The following GSX2 variants were observed in gnomAD, a reference collection of about 807,000 sequenced individuals.
GSX2 encodes the protein GS homeobox 2.
A neutral mutation model predicts 19.2 loss-of-function variants in GSX2; 16 were observed. The observed-to-expected ratio is 0.84, with a 90% confidence interval of 0.57 to 1.27. GSX2 has a LOEUF of 1.27. GSX2 is among the 50% of genes most tolerant of loss of function. The pLI, the probability that GSX2 is intolerant of heterozygous loss-of-function variation, is 0.00. For missense variants in GSX2, 448 were observed against 428.4 expected, an observed-to-expected ratio of 1.05 and a Z score of -0.40; for synonymous variants, 217 against 196.4, an observed-to-expected ratio of 1.10 and a Z score of -0.88.
Position 54,101,028 on chromosome 4 carries a change from G to T in GSX2, c.574+110G>T. 1.0e-6 allele frequency: 1 copy of T among 954,946 alleles called. No individual in the cohort carries two copies. The highest frequency in any genetic ancestry group is 1.5e-6 in the Non-Finnish European group (1 of 674,914). 59.2% of individuals were successfully genotyped at this position (954,946 alleles called of 1,614,324 possible). On this transcript the variant is annotated intron_variant, in intron 1 of 1. Coordinates refer to ENST00000326902, the MANE Select transcript of GSX2 (RefSeq NM_133267.3). The surrounding 1 kb of genome is among the most constrained non-coding windows in gnomAD (Gnocchi z 5.0). The stretch of plus-strand genomic sequence containing the variant: ...GCCCGGGGACAGGGTGAAGAGAGAG[G>T]ACGGGCTTTTAGTGTAACCGTAGAG...
rs571584770 is a variant in GSX2 at position 54,101,562 on chromosome 4, C to T, written c.575-20C>T. The T allele has an allele frequency of 6.3e-7, 1 of 1,575,898 alleles. No individual in the cohort carries two copies. Among genetic ancestry groups the T allele is most frequent in the South Asian group, 1.2e-5 (1 of 86,818 alleles). On this transcript the variant is annotated intron_variant, in intron 1 of 1. Transcript: ENST00000326902. The surrounding 1 kb of genome is among the most constrained non-coding windows in gnomAD (Gnocchi z 5.0). ...CTTGCCCGAGCCTTACCTCTCTACC[C>T]TCTCTTCGCCGGTCCGCAGGAGGCT...
At position 54,101,012 on chromosome 4, in the gene GSX2, C is replaced by G. The variant is rs1419601665; in HGVS notation, c.574+94C>G. On this transcript the variant is annotated intron_variant, in intron 1 of 1. Coordinates refer to ENST00000326902, the MANE Select transcript of GSX2 (RefSeq NM_133267.3). This position sits in a 1 kb window ranked among gnomAD's most constrained non-coding sequence, Gnocchi z 5.0. ...AGTGGAGGAAGTGGGAGCCCGGGGA[C>G]AGGGTGAAGAGAGAGGACGGGCTTT... 8.1e-6 allele frequency: 9 copies of G among 1,107,054 alleles called. No homozygotes were observed. The African/African-American group carries it at 9.9e-5, about 12-fold the overall frequency. The allele number at this position is 1,107,054 out of a possible 1,614,324, so 68.6% of individuals were successfully genotyped here. A position where few individuals can be genotyped will look rare whatever the true frequency, so the allele number is the denominator to read the frequency against.
Position 54,102,332 on chromosome 4 carries a change from C to A in GSX2, c.*410C>A. 1 of 157,666 alleles carries A rather than the reference C, an allele frequency of 6.3e-6. No homozygotes were observed. The highest frequency in any genetic ancestry group is 1.9e-4 in the East Asian group (1 of 5,404). The allele number at this position is 157,666 out of a possible 1,614,324, so 9.8% of individuals were successfully genotyped here. ...CTGTTGTCGTTTTCAAACAAAAACA[C>A]CCAAGTTGAAAATAATTTAGAAAAT... On this transcript the variant is annotated 3_prime_UTR_variant, in exon 2 of 2. Coordinates refer to ENST00000326902, the MANE Select transcript of GSX2 (RefSeq NM_133267.3).
rs762995560 is a variant in GSX2 at position 54,100,877 on chromosome 4, A to G, written c.533A>G (p.Tyr178Cys). Residue 178 changes from tyrosine (Y) to cysteine (C), a missense_variant, in exon 1 of 2, where the codon TAC becomes TGC. Physicochemically the swap from Tyr to Cys is radical, Grantham distance 194. Transcript: ENST00000326902. ...HHAPVCTATT[Y>C]NVADPRRFHC... ...GCACCTGTCTGCACCGCCACCACCT[A>G]CAACGTGGCGGACCCGCGGAGATTC... The G allele has an allele frequency of 5.7e-6, 9 of 1,573,288 alleles. No homozygotes were observed. Among genetic ancestry groups the G allele is most frequent in the Non-Finnish European group, 6.0e-6 (7 of 1,166,950 alleles).
chr4:54,100,268 C>G lies in GSX2; in HGVS notation c.-77C>G. The G allele has an allele frequency of 6.4e-7, 1 of 1,573,770 alleles. No individual in the cohort carries two copies. The highest frequency in any genetic ancestry group is 8.6e-7 in the Non-Finnish European group (1 of 1,165,348). On this transcript the variant is annotated 5_prime_UTR_variant, in exon 1 of 2. Coordinates refer to ENST00000326902, the MANE Select transcript of GSX2 (RefSeq NM_133267.3). ...TGACTGCCCGTGTCTGCGCGGCTCCCAGGGCAGAGCTTAGAACACTAGAGG... is the reference window on the plus strand; with the variant it reads ...TGACTGCCCGTGTCTGCGCGGCTCCGAGGGCAGAGCTTAGAACACTAGAGG...
Position 54,100,215 on chromosome 4 carries a change from C to T in GSX2, c.-130C>T. The T allele has an allele frequency of 7.2e-7, 1 of 1,386,302 alleles. No individual in the cohort carries two copies. 85.9% of individuals were successfully genotyped at this position (1,386,302 alleles called of 1,614,324 possible). On this transcript the variant is annotated 5_prime_UTR_variant, in exon 1 of 2. It adds an upstream start codon to the 5' untranslated region. Coordinates refer to ENST00000326902, the MANE Select transcript of GSX2 (RefSeq NM_133267.3). ...GGGACCCCTTTGTTCCCAGCCCAGA[C>T]GCCAACACCTCTGCGTCCCCAAGGG...
chr4:54,101,536 C>G lies in GSX2; in HGVS notation c.575-46C>G, dbSNP rs771570989. 5 of 1,386,124 alleles carry G rather than the reference C, an allele frequency of 3.6e-6. 1 individual carries two copies. The highest frequency in any genetic ancestry group is 5.0e-6 in the Non-Finnish European group (5 of 990,618). The allele number at this position is 1,386,124 out of a possible 1,614,324, so 85.9% of individuals were successfully genotyped here. ...CTGGTTAGCACATGGGGTGGGAGCA[C>G]CTTGCCCGAGCCTTACCTCTCTACC... On this transcript the variant is annotated intron_variant, in intron 1 of 1. Coordinates refer to ENST00000326902, the MANE Select transcript of GSX2 (RefSeq NM_133267.3). The surrounding 1 kb of genome is among the most constrained non-coding windows in gnomAD (Gnocchi z 5.0).
At position 54,101,630 on chromosome 4, in the gene GSX2, C is replaced by T. The variant is rs1190722333; in HGVS notation, c.623C>T (p.Ala208Val). The T allele has an allele frequency of 6.2e-7, 1 of 1,613,900 alleles. No individual in the cohort carries two copies. Among genetic ancestry groups the T allele is most frequent in the Admixed American group, 1.7e-5 (1 of 59,998 alleles). Residue 208 changes from alanine to valine, a missense_variant, in exon 2 of 2, where the codon GCG becomes GTG. Ala to Val is a moderately conservative substitution (Grantham distance 64). Transcript: ENST00000326902. The surrounding 1 kb of genome is among the most constrained non-coding windows in gnomAD (Gnocchi z 5.0). ...CCCAATGGCAAGAGGATGAGGACGG[C>T]GTTCACTAGCACGCAACTCCTGGAG... is the stretch of plus-strand genomic sequence containing the variant. ...QVPNGKRMRT[A>V]FTSTQLLELE...
Position 54,101,032 on chromosome 4 carries a change from G to A in GSX2, c.574+114G>A. ...GGGGACAGGGTGAAGAGAGAGGACG[G>A]GCTTTTAGTGTAACCGTAGAGTCAG... On this transcript the variant is annotated intron_variant, in intron 1 of 1. Coordinates refer to ENST00000326902, the MANE Select transcript of GSX2 (RefSeq NM_133267.3). The surrounding 1 kb of genome is among the most constrained non-coding windows in gnomAD (Gnocchi z 5.0). 1 of 899,796 alleles carries A rather than the reference G, an allele frequency of 1.1e-6. No homozygotes were observed. The highest frequency in any genetic ancestry group is 1.6e-6 in the Non-Finnish European group (1 of 628,056). 55.7% of individuals were successfully genotyped at this position (899,796 alleles called of 1,614,324 possible).
chr4:54,101,979 G>C lies in GSX2; in HGVS notation c.*57G>C. ...CTGGCAGACCAGGCAACGCCAAGGC[G>C]TGGGGCACCCAGGGGCCAGAATCCT... On this transcript the variant is annotated 3_prime_UTR_variant, in exon 2 of 2. Transcript: ENST00000326902. The surrounding 1 kb of genome is among the most constrained non-coding windows in gnomAD (Gnocchi z 5.0). 1 of 1,405,424 alleles carries C rather than the reference G, an allele frequency of 7.1e-7. No homozygotes were observed. Among genetic ancestry groups the C allele is most frequent in the Non-Finnish European group, 9.6e-7 (1 of 1,043,614 alleles). The allele number at this position is 1,405,424 out of a possible 1,614,324, so 87.1% of individuals were successfully genotyped here.
rs1051077797 is a variant in GSX2, at chr4:54,100,794, G to GGCA, written c.462_464dup (p.Ala162dup). On this transcript the variant is annotated inframe_insertion, in exon 1 of 2. Transcript: ENST00000326902. ...AGCAGCCTGGCTCGGCCGCGGCGGCGGCAGCAGCAGCAGCGGCGGCGGCGG... is the reference window on the plus strand; with the variant it reads ...AGCAGCCTGGCTCGGCCGCGGCGGCGGCAGCAGCAGCAGCAGCGGCGGCGGCGG... 13 of 1,461,636 alleles carry GGCA rather than the reference G, an allele frequency of 8.9e-6. No individual in the cohort carries two copies. Among genetic ancestry groups the GGCA allele is most frequent in the African/African-American group, 1.5e-5 (1 of 66,550 alleles). The allele number at this position is 1,461,636 out of a possible 1,614,324, so 90.5% of individuals were successfully genotyped here. A position where few individuals can be genotyped will look rare whatever the true frequency, so the allele number is the denominator to read the frequency against.
chr4:54,100,867 G>A lies in GSX2; in HGVS notation c.523G>A (p.Ala175Thr). The change falls in exon 1 of 2, where the codon GCC becomes ACC. Residue 175 changes from alanine to threonine, a missense_variant. By Grantham distance (58) the Ala-to-Thr change is moderately conservative. Transcript: ENST00000326902. ...HPQHHAPVCT[A>T]TTYNVADPRR... is the part of the protein sequence containing the mutation. ...GCAGCACCACGCACCTGTCTGCACC[G>A]CCACCACCTACAACGTGGCGGACCC... 3 of 1,568,254 alleles carry A rather than the reference G, an allele frequency of 1.9e-6. No homozygotes were observed. The highest frequency in any genetic ancestry group is 2.4e-5 in the East Asian group (1 of 41,748).
Position 54,101,719 on chromosome 4 carries a change from T to C in GSX2, c.712T>C (p.Tyr238His), listed in dbSNP as rs1718178948. ...SRLRRIEIAT[Y>H]LNLSEKQVKI... ...ACTCCGGAGGATTGAAATCGCCACT[T>C]ACCTGAACCTGTCGGAGAAGCAGGT... Residue 238 changes from tyrosine (Y) to histidine (H), a missense_variant, in exon 2 of 2, where the codon TAC (tyrosine) becomes CAC (histidine). Transcript: ENST00000326902. This position sits in a 1 kb window ranked among gnomAD's most constrained non-coding sequence, Gnocchi z 5.0. 6.2e-7 allele frequency: 1 copy of C among 1,614,208 alleles called. No homozygotes were observed. The highest frequency in any genetic ancestry group is 8.5e-7 in the Non-Finnish European group (1 of 1,180,028).
chr4:54,100,864 A>C lies in GSX2; in HGVS notation c.520A>C (p.Thr174Pro). 1 of 1,566,844 alleles carries C rather than the reference A, an allele frequency of 6.4e-7. No homozygotes were observed. ...GHPQHHAPVC[T>P]ATTYNVADPR... Reference sequence around the variant, plus strand: ...CCCGCAGCACCACGCACCTGTCTGCACCGCCACCACCTACAACGTGGCGGA... The same window carrying C: ...CCCGCAGCACCACGCACCTGTCTGCCCCGCCACCACCTACAACGTGGCGGA... The change falls in exon 1 of 2, where the codon ACC (threonine) becomes CCC (proline). Residue 174 changes from threonine (T) to proline (P), a missense_variant. Transcript: ENST00000326902.
Position 54,101,068 on chromosome 4 carries a change from TC to T in GSX2, c.574+152del. 1 of 706,764 alleles carries T rather than the reference TC, an allele frequency of 1.4e-6. No individual in the cohort carries two copies. Among genetic ancestry groups the T allele is most frequent in the Non-Finnish European group, 2.2e-6 (1 of 457,618 alleles). 43.8% of individuals were successfully genotyped at this position (706,764 alleles called of 1,614,324 possible). A position where few individuals can be genotyped will look rare whatever the true frequency, so the allele number is the denominator to read the frequency against. On this transcript the variant is annotated intron_variant, in intron 1 of 1. Coordinates refer to ENST00000326902, the MANE Select transcript of GSX2 (RefSeq NM_133267.3). This position sits in a 1 kb window ranked among gnomAD's most constrained non-coding sequence, Gnocchi z 5.0. ...TAACCGTAGAGTCAGCCACAGAAGT[TC>T]CACGAAAGTGGAAGTTAGTTTGCCA...
Position 54,101,041 on chromosome 4 carries a change from T to G in GSX2, c.574+123T>G. 1 of 850,718 alleles carries G rather than the reference T, an allele frequency of 1.2e-6. No homozygotes were observed. Among genetic ancestry groups the G allele is most frequent in the Non-Finnish European group, 1.7e-6 (1 of 584,528 alleles). The allele number at this position is 850,718 out of a possible 1,614,324, so 52.7% of individuals were successfully genotyped here. A position where few individuals can be genotyped will look rare whatever the true frequency, so the allele number is the denominator to read the frequency against. ...GTGAAGAGAGAGGACGGGCTTTTAG[T>G]GTAACCGTAGAGTCAGCCACAGAAG... On this transcript the variant is annotated intron_variant, in intron 1 of 1. Transcript: ENST00000326902. This position sits in a 1 kb window ranked among gnomAD's most constrained non-coding sequence, Gnocchi z 5.0.
In GSX2 at chr4:54,100,826, C is replaced by A. The variant is rs1022233528; in HGVS notation, c.482C>A (p.Ala161Glu). 2.1e-6 allele frequency: 3 copies of A among 1,454,064 alleles called. No individual in the cohort carries two copies. The highest frequency in any genetic ancestry group is 1.5e-5 in the African/African-American group (1 of 66,572). 90.1% of individuals were successfully genotyped at this position (1,454,064 alleles called of 1,614,324 possible). ...GCAGCAGCGGCGGCGGCGGCCGCGGCGGCCTTGGGGCACCCGCAGCACCAC... is the reference window on the plus strand; with the variant it reads ...GCAGCAGCGGCGGCGGCGGCCGCGGAGGCCTTGGGGCACCCGCAGCACCAC... ...AAAAAAAAAA[A>E]ALGHPQHHAP... The change falls in exon 1 of 2, where the codon GCG (alanine) becomes GAG (glutamate). Residue 161 changes from alanine to glutamate, a missense_variant. Ala to Glu is a moderately radical substitution (Grantham distance 107). Transcript: ENST00000326902.
In GSX2 at chr4:54,100,618, G is replaced by A. The variant is rs1183035340; in HGVS notation, c.274G>A (p.Gly92Ser). ...GAGAGVTGAG[G>S]SGVAGAAGAL... ...AGGGGCCGGGGTTACCGGGGCCGGAGGCAGTGGGGTGGCAGGGGCCGCAGG... is the reference window on the plus strand; with the variant it reads ...AGGGGCCGGGGTTACCGGGGCCGGAAGCAGTGGGGTGGCAGGGGCCGCAGG... Residue 92 changes from glycine to serine, a missense_variant, in exon 1 of 2, where the codon GGC becomes AGC. Gly to Ser is a moderately conservative substitution (Grantham distance 56). Coordinates refer to ENST00000326902, the MANE Select transcript of GSX2 (RefSeq NM_133267.3). 7.1e-6 allele frequency: 11 copies of A among 1,554,042 alleles called. No homozygotes were observed. The highest frequency in any genetic ancestry group is 1.7e-4 in the Middle Eastern group (1 of 5,956).
chr4:54,101,799 G>T lies in GSX2; in HGVS notation c.792G>T (p.Thr264=). 2 of 1,614,230 alleles carry T rather than the reference G, an allele frequency of 1.2e-6. No homozygotes were observed. Among genetic ancestry groups the T allele is most frequent in the Non-Finnish European group, 1.7e-6 (2 of 1,180,054 alleles). Residue 264 remains threonine, a synonymous_variant, in exon 2 of 2, where the codon ACG becomes ACT. Coordinates refer to ENST00000326902, the MANE Select transcript of GSX2 (RefSeq NM_133267.3). This position sits in a 1 kb window ranked among gnomAD's most constrained non-coding sequence, Gnocchi z 5.0. ...RVKHKKEGKG[T]QRNSHAGCKC... ...AGCACAAGAAGGAGGGGAAGGGCAC[G>T]CAGAGGAACAGTCACGCGGGCTGCA...
Sources: allele counts gnomAD v4.1 joint callset, GRCh38; gene constraint gnomAD v4.1.1; non-coding constraint Gnocchi (gnomAD v3.1); transcripts MANE v1.5; gene names NCBI Gene and HGNC (gene_info 2026-07-23, HGNC 2026-07-21).